MYL5: variants seen among roughly 807,000 people sequenced by gnomAD.
The protein encoded by MYL5 is myosin light chain 5, also known as myosin regulatory light chain 5.
MYL5 carries 28 observed loss-of-function variants against 20.8 expected under a neutral mutation model. The ratio of observed to expected loss-of-function variants is 1.35; its 90% confidence interval spans 1.00 to 1.84. MYL5 has a LOEUF of 1.84. Among genes scored for constraint, MYL5 ranks in the 40% most tolerant of loss-of-function variants. The pLI, the probability that MYL5 is intolerant of heterozygous loss-of-function variation, is 0.00. For missense variants in MYL5, 274 were observed against 227.3 expected (o/e 1.21, Z -1.32); for synonymous variants, 118 against 87.4 (o/e 1.35, Z -1.95).
intron 4 of MYL5, 110 bp downstream of exon 6, chr4:680,128 G>A: frequency 9.2e-7 from 1 of 1,091,220 alleles, no homozygotes; most frequent in Non-Finnish European, 1.3e-6. Context: ...AAGCCCTAGG[G>A]CCTGGCACTC....
exon 2 of MYL5, chr4:678,751 CAGG>C: frequency 8.1e-6 from 13 of 1,610,950 alleles, no homozygotes; most frequent in Non-Finnish European, 1.1e-5. Context: ...GACTCAGATC[CAGG>C]AGTTCAAGGA....
chr4:678,481 GC>G, intron 1 of MYL5, 176 bp from the exon 4 acceptor site: 10 of 1,436,334 alleles, frequency 7.0e-6, no homozygotes, highest in Non-Finnish European at 9.1e-6. Context: ...CAGCCGTCCT[GC>G]CCCCAACCCC....
At chr4:679,791 G>A (rs904186415) in intron 3 of MYL5, 123 bp from the exon 6 acceptor site, 32 of 754,148 alleles carry the variant, frequency 4.2e-5, no homozygotes, top group African/African-American at 2.1e-4. Context: ...TGGGCCAAGC[G>A]TCTCCTTCCC....
upstream of MYL5, chr4:677,041 C>T (rs114450750): frequency 0.058 from 29,578 of 511,546 alleles, 1,122 homozygotes; most frequent in African/African-American, 0.14. Flanking sequence ...CACGGTGGCG[C>T]CCCCAGGGAT....
At chr4:680,804 C>T in intron 5 of MYL5, 1 of 640,818 alleles carries the variant, frequency 1.6e-6, no homozygotes, top group Non-Finnish European at 2.7e-6. Flanking sequence ...GGTGGGGCGG[C>T]TTCCCCTCAG....
At position 680,566 on chromosome 4, in the gene MYL5, A is replaced by C. The variant is rs202132200; in HGVS notation, c.350A>C (p.Lys117Thr). 136 of 1,613,368 alleles carry C rather than the reference A, an allele frequency of 8.4e-5. No homozygotes were observed. The African/African-American group carries it at 1.7e-3, about 20-fold the overall frequency. The stretch of plus-strand genomic sequence containing the variant: ...TTCAAGATGCTGGACCCGGACGGGA[A>C]AGGGAAAATCAACAAGGAGTAGTGA... The change falls in exon 5 of 7, where the codon AAA becomes ACA. Residue 117 changes from lysine to threonine, a missense_variant. By Grantham distance (78) the Lys-to-Thr change is moderately conservative. Coordinates refer to ENST00000400159, the Ensembl canonical transcript of MYL5.
At chr4:676,750 C>T (rs1560151300), upstream of MYL5, 1 of 296,998 alleles carries the variant, frequency 3.4e-6, no homozygotes, top group Non-Finnish European at 5.0e-6. Flanking sequence ...CACCCAGACC[C>T]CACTGGACTG....
rs533915224 is a variant in MYL5 at position 678,679 on chromosome 4, A to G, written c.25A>G (p.Lys9Glu). 31 of 1,610,582 alleles carry G rather than the reference A, an allele frequency of 1.9e-5. No homozygotes were observed. The highest frequency in any genetic ancestry group is 1.7e-4 in the African/African-American group (13 of 75,036). Reference sequence around the variant, plus strand: ...GCAGGCCAGCAGGAAGACCAAGAAGAAGGAAGGGGGTGCCCTCCGGGCCCA... The same window carrying G: ...GCAGGCCAGCAGGAAGACCAAGAAGGAGGAAGGGGGTGCCCTCCGGGCCCA... The change falls in exon 2 of 7, where the codon AAG (lysine) becomes GAG (glutamate). Residue 9 changes from lysine (K) to glutamate (E), a missense_variant. Coordinates refer to ENST00000400159, the Ensembl canonical transcript of MYL5.
intron 4 of MYL5, 105 bp from the exon 7 acceptor site, chr4:680,404 A>T (rs1739338048): frequency 8.5e-6 from 10 of 1,175,630 alleles, no homozygotes. Context: ...AGAGGCTTGG[A>T]GTCTCCCCCT....
At chr4:677,385 A>G (rs899593901), upstream of MYL5, among the ~76,000 whole-genome samples, 4 of 152,194 alleles carry the variant, frequency 2.6e-5, no homozygotes, top group Non-Finnish European at 5.9e-5. Flanking sequence ...TCAGGGCCCT[A>G]GAGTCCCCCT....
intron 6 of MYL5, 29 bp from the exon 9 acceptor site, chr4:681,864 G>A (rs763282826): frequency 8.9e-5 from 116 of 1,307,150 alleles, no homozygotes; most frequent in Non-Finnish European, 3.8e-5. Context: ...CCCGGAGCCC[G>A]CAAGGAGCCC....
upstream of MYL5, chr4:675,906 C>T (rs1349689893): frequency 6.6e-6 from 1 of 152,258 alleles, no homozygotes; most frequent in African/African-American, 2.4e-5. Flanking sequence ...ATCCCGAAAC[C>T]TTCCTCCCCA....
At chr4:679,237 G>C in intron 3 of MYL5, 1 of 692,458 alleles carries the variant, frequency 1.4e-6, no homozygotes, top group Non-Finnish European at 2.6e-6. Context: ...GGTGAGACAG[G>C]GTGGGTGGGA....
In MYL5 at chr4:681,257, G is replaced by C. The variant is rs945650930; in HGVS notation, c.420+117G>C. 1.0e-5 allele frequency: 13 copies of C among 1,252,426 alleles called. No homozygotes were observed. In the African/African-American group the frequency reaches 1.5e-4, roughly 14 times the overall value. 77.6% of individuals were successfully genotyped at this position (1,252,426 alleles called of 1,614,324 possible). Reference sequence around the variant, plus strand: ...AGCGCCGCGGTTAGGACCCAGGACAGAACAGGCCCCCGGGGGGCTCCCGAA... The same window carrying C: ...AGCGCCGCGGTTAGGACCCAGGACACAACAGGCCCCCGGGGGGCTCCCGAA... On this transcript the variant is annotated intron_variant, in intron 6 of 6. Coordinates refer to ENST00000400159, the Ensembl canonical transcript of MYL5.
intron 2 of MYL5, 72 bp from the exon 5 acceptor site, chr4:678,886 G>A (rs117750622): frequency 0.016 from 26,093 of 1,609,774 alleles, 307 homozygotes; most frequent in Middle Eastern, 0.049. Context: ...GGGGTGCTGA[G>A]GAACCGGGAG....
At chr4:681,628 C>CTT (rs1739585824) in intron 6 of MYL5, among the ~76,000 whole-genome samples, 1 of 94,826 alleles carries the variant, frequency 1.1e-5, no homozygotes, top group Non-Finnish European at 2.2e-5. Context: ...CCGCCCCGCC[C>CTT]CCTCCAGCGC....
chr4:681,237 C>G (rs1275034994), intron 6 of MYL5, 97 bp downstream of exon 8: 1 of 1,442,722 alleles, frequency 6.9e-7, no homozygotes, highest in African/African-American at 1.4e-5. Flanking sequence ...GGAGCAGCGC[C>G]GCGGTTAGGA....
At chr4:675,472 C>T (rs990466189), upstream of MYL5, 4 of 152,442 alleles carry the variant, frequency 2.6e-5, no homozygotes, top group African/African-American at 4.8e-5. Flanking sequence ...TCACAAACTC[C>T]AGGACTCTTG....
Position 681,047 on chromosome 4 carries a change from T to C in MYL5, c.372-45T>C, listed in dbSNP as rs1422926781. ...ACCTGAGCCCCACCGAGAAGGCTCC[T>C]GCACCCCCGCATCAGCCCGCGCTGA... On this transcript the variant is annotated intron_variant, in intron 5 of 6. Coordinates refer to ENST00000400159, the Ensembl canonical transcript of MYL5. The C allele has an allele frequency of 3.2e-6, 5 of 1,563,826 alleles. No homozygotes were observed. In the African/African-American group the frequency reaches 4.1e-5, roughly 13 times the overall value.
Sources: allele counts gnomAD v4.1 joint callset (sites outside exome capture counted in the v4.1 genomes callset), GRCh38; gene constraint gnomAD v4.1.1; transcripts MANE v1.5; gene names NCBI Gene and HGNC (gene_info 2026-07-23, HGNC 2026-07-21).